MAPT: variants seen among roughly 807,000 people sequenced by gnomAD.
MAPT encodes microtubule-associated protein tau.
In MAPT, 34 loss-of-function variants were observed where a neutral mutation model predicts 67.9. The observed-to-expected ratio is 0.50, with a 90% CI of 0.38 to 0.67. The LOEUF (loss-of-function observed/expected upper bound fraction) is 0.67, where lower values mean the gene tolerates loss of function less well. MAPT is among the 30% of genes least tolerant of loss of function. MAPT has a pLI of 0.00. For missense variants in MAPT, 881 were observed against 1,115.2 expected, an observed-to-expected ratio of 0.79 and a Z score of 2.99; for synonymous variants, 456 against 464.5, an observed-to-expected ratio of 0.98 and a Z score of 0.23.
intron 1 of MAPT, chr17:45,898,461 C>T (rs1279205769): frequency 6.6e-6 from 1 of 152,240 alleles, no homozygotes; most frequent in East Asian, 1.9e-4. Flanking sequence ...CCCTTTGACC[C>T]TCATGCCCTT....
chr17:46,020,039 A>C, intron 12 of MAPT, among the ~76,000 whole-genome samples: 1 of 149,870 alleles, frequency 6.7e-6, no homozygotes, highest in African/African-American at 2.5e-5. Flanking sequence ...AGCGAGAACC[A>C]CTGTCCTAGG....
chr17:45,963,124 C>G (rs941710811), intron 2 of MAPT, among the ~76,000 whole-genome samples: 3 of 152,172 alleles, frequency 2.0e-5, no homozygotes, highest in African/African-American at 7.2e-5. Flanking sequence ...TGCTTTTTAT[C>G]TCTTACTTAG....
chr17:45,941,673 C>CCCTACCCTCCTTCCTT (rs2067921146), intron 1 of MAPT, among the ~76,000 whole-genome samples: 1 of 28,456 alleles, frequency 3.5e-5, no homozygotes, highest in Non-Finnish European at 7.7e-5. Context: ...CCCCCTTCCC[C>CCCTACCCTCCTTCCTT]CCTTCCCTCC....
chr17:45,997,628 T>C (rs994677936), intron 9 of MAPT, among the ~76,000 whole-genome samples: 6 of 152,068 alleles, frequency 3.9e-5, no homozygotes, highest in Middle Eastern at 3.4e-3. Flanking sequence ...GTGGTGGTGG[T>C]GCGCGCCTAT....
At chr17:45,967,940 C>T (rs997997390) in intron 2 of MAPT, among the ~76,000 whole-genome samples, 1 of 152,138 alleles carries the variant, frequency 6.6e-6, no homozygotes, top group Non-Finnish European at 1.5e-5. Flanking sequence ...CTCCCACAAC[C>T]CTCCACAGCA....
At chr17:46,022,733 T>G (rs921624605) in intron 12 of MAPT, among the ~76,000 whole-genome samples, 4 of 152,176 alleles carry the variant, frequency 2.6e-5, no homozygotes, top group African/African-American at 9.7e-5. Context: ...CCTGGTATCC[T>G]TTGGGACTCC....
At chr17:45,941,680 C>CCCCTTCCCTCCTTCCTTCCTTCCT (rs2067928765) in intron 1 of MAPT, among the ~76,000 whole-genome samples, 1 of 47,224 alleles carries the variant, frequency 2.1e-5, no homozygotes, top group Admixed American at 3.0e-4. Flanking sequence ...CCCCCCTTCC[C>CCCCTTCCCTCCTTCCTTCCTTCCT]TCCTTCCTTC....
intron 3 of MAPT, chr17:45,977,448 G>A (rs1284009381): frequency 1.3e-5 from 2 of 152,216 alleles, no homozygotes; most frequent in Non-Finnish European, 2.9e-5. Context: ...GGTGATTCTG[G>A]TGGCCTGAGG....
At position 46,010,021 on chromosome 17, in the gene MAPT, G is replaced by T. The variant is rs917684349; in HGVS notation, c.1999-289G>T. The stretch of plus-strand genomic sequence containing the variant: ...TCAGGCCTCACGATGCCATCCTTTT[G>T]TGAAGTGAGGACCTGCAATCCCAGC... On this transcript the variant is annotated intron_variant, in intron 9 of 12. Coordinates refer to ENST00000262410, the MANE Select transcript of MAPT (RefSeq NM_001377265.1). This position sits in a 1 kb window ranked among gnomAD's most constrained non-coding sequence, Gnocchi z 4.7. Among the ~76,000 whole-genome samples the T allele has an allele frequency of 6.6e-6, 1 of 152,208 alleles. No homozygotes were observed. Among genetic ancestry groups the T allele is most frequent in the Non-Finnish European group, 1.5e-5 (1 of 68,040 alleles).
chr17:45,963,490 A>G (rs1463781628), intron 2 of MAPT, among the ~76,000 whole-genome samples: 2 of 152,096 alleles, frequency 1.3e-5, no homozygotes, highest in African/African-American at 4.8e-5. Context: ...CCTTCTTTCC[A>G]TGGGTGTGGC....
chr17:45,984,294 G>T (rs2073320979), intron 5 of MAPT, among the ~76,000 whole-genome samples: 1 of 152,180 alleles, frequency 6.6e-6, no homozygotes, highest in Non-Finnish European at 1.5e-5. Flanking sequence ...ATGGTGTCTA[G>T]AACTCTCCAA....
chr17:45,985,230 A>G (rs545967853), intron 5 of MAPT, among the ~76,000 whole-genome samples: 1 of 152,282 alleles, frequency 6.6e-6, no homozygotes, highest in South Asian at 2.1e-4. Flanking sequence ...GCTTGAACCC[A>G]GGAGGCAGAG....
chr17:45,903,843 ATATAT>A (rs1381860199), intron 1 of MAPT, among the ~76,000 whole-genome samples: 2 of 31,260 alleles, frequency 6.4e-5, no homozygotes, highest in African/African-American at 1.0e-4. Flanking sequence ...TATATATTTT[ATATAT>A]TATATATTAT....
At chr17:45,910,506 C>G (rs2064695262) in intron 1 of MAPT, among the ~76,000 whole-genome samples, 1 of 151,964 alleles carries the variant, frequency 6.6e-6, no homozygotes. Flanking sequence ...GCCTAGGGGT[C>G]CTACCCTTTA....
At chr17:46,006,951 TAATAAAATAA>T (rs922575328) in intron 9 of MAPT, among the ~76,000 whole-genome samples, 49 of 142,238 alleles carry the variant, frequency 3.4e-4, no homozygotes, top group South Asian at 1.1e-3. Context: ...TAAAATAAAA[TAATAAAATAA>T]AATAAAATAA....
chr17:46,002,957 T>C (rs907537908), intron 9 of MAPT, among the ~76,000 whole-genome samples: 2 of 152,100 alleles, frequency 1.3e-5, no homozygotes, highest in Admixed American at 1.3e-4. Flanking sequence ...TAATTTCTTA[T>C]ATTTTTTGTA....
intron 8 of MAPT, chr17:45,993,887 G>T: frequency 6.5e-7 from 1 of 1,545,850 alleles, no homozygotes; most frequent in Non-Finnish European, 8.8e-7. Flanking sequence ...GTTTAAGCCT[G>T]ATGATAATAA....
chr17:45,951,269 G>T (rs1417955335), intron 1 of MAPT, among the ~76,000 whole-genome samples: 1 of 152,196 alleles, frequency 6.6e-6, no homozygotes, highest in East Asian at 1.9e-4. Context: ...GAATGTTTTG[G>T]AACTAGATAG....
intron 1 of MAPT, among the ~76,000 whole-genome samples, chr17:45,916,596 C>T (rs964006290): frequency 1.3e-5 from 2 of 152,184 alleles, no homozygotes; most frequent in Non-Finnish European, 2.9e-5. Context: ...CTGTCGGGAA[C>T]AGCCCCCAAA....
Sources: gnomAD v4.1 joint callset for allele counts (sites outside exome capture counted in the v4.1 genomes callset) on GRCh38, gnomAD v4.1.1 for gene constraint, Gnocchi (gnomAD v3.1) non-coding constraint, MANE v1.5 for transcripts, NCBI Gene and HGNC (gene_info 2026-07-23, HGNC 2026-07-21) for gene names.